The following SNTG1 variants were observed in gnomAD, a reference collection of about 807,000 sequenced individuals.
SNTG1 encodes gamma-1-syntrophin.
SNTG1 carries 39 observed loss-of-function variants against 74.7 expected under a neutral mutation model. The ratio of observed to expected loss-of-function variants is 0.52; its 90% confidence interval spans 0.40 to 0.68. The LOEUF is 0.68. SNTG1 is among the 30% of genes least tolerant of loss of function. The pLI is 0.00. For missense variants in SNTG1, 685 were observed against 609.5 expected (o/e 1.12, Z -1.30); for synonymous variants, 254 against 217.1 (o/e 1.17, Z -1.49).
chr8:50,024,037 T>C (rs1817050476), intron 1 of SNTG1, among the ~76,000 whole-genome samples: 1 of 152,136 alleles, frequency 6.6e-6, no homozygotes, highest in Non-Finnish European at 1.5e-5. Flanking sequence ...TCTGATTCAG[T>C]AGCTCCAGGA....
At chr8:50,688,267 C>A (rs576618794) in intron 15 of SNTG1, among the ~76,000 whole-genome samples, 3 of 152,240 alleles carry the variant, frequency 2.0e-5, no homozygotes, top group East Asian at 1.9e-4. Flanking sequence ...TTAATTAGAT[C>A]CCATTTGTCA....
chr8:49,985,259 C>A (rs762886676), intron 1 of SNTG1, among the ~76,000 whole-genome samples: 1 of 152,128 alleles, frequency 6.6e-6, no homozygotes, highest in African/African-American at 2.4e-5. Context: ...GCCACCTCTG[C>A]CTCCTGAGTA....
chr8:50,176,112 A>G (rs1292567851), intron 2 of SNTG1, among the ~76,000 whole-genome samples: 1 of 152,112 alleles, frequency 6.6e-6, no homozygotes, highest in Non-Finnish European at 1.5e-5. Context: ...TTAACATTTT[A>G]ATACATAGTT....
chr8:50,691,616 C>G (rs1392015574), intron 15 of SNTG1, among the ~76,000 whole-genome samples: 1 of 152,182 alleles, frequency 6.6e-6, no homozygotes, highest in African/African-American at 2.4e-5. Context: ...GCCGAGAGAT[C>G]AGCTGTTAGT....
At chr8:50,155,971 A>G (rs998311696) in intron 1 of SNTG1, among the ~76,000 whole-genome samples, 1 of 152,038 alleles carries the variant, frequency 6.6e-6, no homozygotes, top group Non-Finnish European at 1.5e-5. Context: ...GAAGTGTAAA[A>G]AGGAAAAAAA....
chr8:50,764,552 T>C (rs1196948196), intron 18 of SNTG1, among the ~76,000 whole-genome samples: 4 of 151,838 alleles, frequency 2.6e-5, no homozygotes, highest in Non-Finnish European at 5.9e-5. Flanking sequence ...CACTAATCAT[T>C]AGGAAAATTA....
intron 5 of SNTG1, among the ~76,000 whole-genome samples, chr8:50,445,176 G>T (rs1166872862): frequency 6.6e-6 from 1 of 152,194 alleles, no homozygotes; most frequent in Non-Finnish European, 1.5e-5. Context: ...AACGAAGTAT[G>T]TTGGCAGGTA....
intron 1 of SNTG1, among the ~76,000 whole-genome samples, chr8:50,021,154 C>G (rs1031773453): frequency 6.6e-6 from 1 of 152,150 alleles, no homozygotes; most frequent in Non-Finnish European, 1.5e-5. Flanking sequence ...CAGAGCTAAT[C>G]CCACTCAATA....
intron 2 of SNTG1, among the ~76,000 whole-genome samples, chr8:50,237,136 T>C (rs1362475871): frequency 6.6e-6 from 1 of 152,192 alleles, no homozygotes; most frequent in Non-Finnish European, 1.5e-5. Context: ...TCTATTTTTT[T>C]ACCTTTTTTT....
intron 17 of SNTG1, among the ~76,000 whole-genome samples, chr8:50,710,877 T>C (rs554673139): frequency 6.6e-6 from 1 of 152,332 alleles, no homozygotes; most frequent in South Asian, 2.1e-4. Context: ...CCAGAGGCCT[T>C]CAGGAATAGT....
intron 2 of SNTG1, among the ~76,000 whole-genome samples, chr8:50,184,156 A>G (rs2083302381): frequency 6.6e-6 from 1 of 151,958 alleles, no homozygotes. Flanking sequence ...ATATGGTTAC[A>G]TCTTTTTTAT....
intron 1 of SNTG1, among the ~76,000 whole-genome samples, chr8:50,107,600 G>C (rs2080424617): frequency 6.6e-6 from 1 of 151,940 alleles, no homozygotes; most frequent in Non-Finnish European, 1.5e-5. Flanking sequence ...GGCTGGGCTG[G>C]AGTGGAGTGG....
intron 8 of SNTG1, among the ~76,000 whole-genome samples, chr8:50,462,453 G>A (rs1418984993): frequency 7.3e-6 from 1 of 136,432 alleles, no homozygotes; most frequent in Non-Finnish European, 1.6e-5. Context: ...GAAGGTTGGG[G>A]TGGCTGGGGC....
intron 1 of SNTG1, among the ~76,000 whole-genome samples, chr8:49,980,843 G>A (rs1331015358): frequency 1.3e-5 from 2 of 152,076 alleles, no homozygotes; most frequent in Admixed American, 6.5e-5. Context: ...TTTATTAGGG[G>A]TTCATTCACA....
intron 15 of SNTG1, among the ~76,000 whole-genome samples, chr8:50,696,476 G>C (rs2095405703): frequency 6.6e-6 from 1 of 151,624 alleles, no homozygotes; most frequent in African/African-American, 2.4e-5. Context: ...ATTTAATTAA[G>C]TCCTATGTTT....
At chr8:50,278,090 T>C (rs138640092) in intron 2 of SNTG1, among the ~76,000 whole-genome samples, 4 of 152,170 alleles carry the variant, frequency 2.6e-5, no homozygotes, top group African/African-American at 7.2e-5. Flanking sequence ...GGAGAATCAC[T>C]TGAACCCAGG....
intron 8 of SNTG1, among the ~76,000 whole-genome samples, chr8:50,498,946 A>G (rs1258004518): frequency 6.6e-6 from 1 of 151,684 alleles, no homozygotes; most frequent in Non-Finnish European, 1.5e-5. Context: ...ATATTACATT[A>G]TATCATGTTA....
chr8:50,522,351 G>C (rs544528391), intron 9 of SNTG1, among the ~76,000 whole-genome samples: 1 of 152,120 alleles, frequency 6.6e-6, no homozygotes, highest in South Asian at 2.1e-4. Context: ...TCAACAGTGG[G>C]CTTAAATATT....
chr8:50,167,339 A>T (rs866314420), intron 1 of SNTG1, among the ~76,000 whole-genome samples: 1,887 of 150,270 alleles, frequency 0.013, 51 homozygotes, highest in African/African-American at 0.042. Context: ...AAAATAAAAA[A>T]AAAAATCTTT....
Sources: gnomAD v4.1 joint callset for allele counts (sites outside exome capture counted in the v4.1 genomes callset) on GRCh38, gnomAD v4.1.1 for gene constraint, MANE v1.5 for transcripts, NCBI Gene and HGNC (gene_info 2026-07-23, HGNC 2026-07-21) for gene names.